Variants in LACTBL1 observed in about 807,000 individuals in gnomAD.
LACTBL1 encodes the protein beta-lactamase-like protein 1.
LACTBL1 carries 29 observed loss-of-function variants against 39.6 expected under a neutral mutation model. That is an observed-to-expected ratio of 0.73 (90% CI 0.55 to 1.00). LACTBL1 has a LOEUF of 1.00. Among genes scored for constraint, LACTBL1 ranks in the 50% least tolerant of loss-of-function variants. The pLI is 0.00. For missense variants in LACTBL1, 711 were observed against 748.5 expected, an observed-to-expected ratio of 0.95 and a Z score of 0.59; for synonymous variants, 361 against 360.7, an observed-to-expected ratio of 1.00 and a Z score of -0.01.
chr1:22,966,374 C>T (rs309513), upstream of LACTBL1, among the ~76,000 whole-genome samples: 3,520 of 152,270 alleles, frequency 0.023, 166 homozygotes, highest in African/African-American at 0.08. Context: ...CCTTGCCTAC[C>T]TCCCTTTCTC....
intron 4 of LACTBL1, among the ~76,000 whole-genome samples, chr1:22,957,827 T>A: frequency 6.6e-6 from 1 of 151,974 alleles, no homozygotes; most frequent in East Asian, 1.9e-4. Flanking sequence ...ATTTTTTGTA[T>A]TTTTAGTAGA....
intron 1 of LACTBL1, 123 bp from the exon 4 acceptor site, chr1:22,963,339 G>A: frequency 2.1e-6 from 1 of 481,600 alleles, no homozygotes; most frequent in East Asian, 3.5e-5. Flanking sequence ...CCGAGCCGGG[G>A]GATATCAGGG....
chr1:22,959,925 G>A lies in LACTBL1; in HGVS notation c.317+17C>T, dbSNP rs1015273118. On this transcript the variant is annotated intron_variant, in intron 3 of 5. Coordinates refer to ENST00000426928, the Ensembl canonical transcript of LACTBL1. ...TCCCTTACCCCTCCACAGGACCCTA[G>A]AGATCACCCAGCTGACCTGTACATG... is the stretch of plus-strand genomic sequence containing the variant. The A allele has an allele frequency of 1.2e-4, 190 of 1,550,944 alleles. No homozygotes were observed. The highest frequency in any genetic ancestry group is 1.6e-4 in the Non-Finnish European group (188 of 1,147,098).
At chr1:22,955,946 C>A (rs561459013) in intron 4 of LACTBL1, among the ~76,000 whole-genome samples, 5 of 151,948 alleles carry the variant, frequency 3.3e-5, no homozygotes, top group African/African-American at 7.2e-5. Context: ...CGCCTGTAAT[C>A]CCAGCTACTC....
rs1013152114 is a variant in LACTBL1 at position 22,953,522 on chromosome 1, C to CCAG, written c.1159_1161dup (p.Leu387dup). The CCAG allele has an allele frequency of 5.7e-6, 7 of 1,235,834 alleles. No homozygotes were observed. The African/African-American group carries it at 1.1e-4, about 19-fold the overall frequency. The allele number at this position is 1,235,834 out of a possible 1,614,324, so 76.6% of individuals were successfully genotyped here. On this transcript the variant is annotated inframe_insertion, in exon 6 of 6. Transcript: ENST00000426928. ...TCGGGCCCGGGCGGCCGTGGCCCTGCCAGCAGCAGCACCAGGCCCAGACGC... is the reference window on the plus strand; with the variant it reads ...TCGGGCCCGGGCGGCCGTGGCCCTGCCAGCAGCAGCAGCACCAGGCCCAGACGC...
chr1:22,953,728 C>T, exon 6 of LACTBL1: 2 of 1,340,070 alleles, frequency 1.5e-6, no homozygotes, highest in Non-Finnish European at 9.5e-7. Flanking sequence ...CCGCAGGAGC[C>T]GCCGGGGCCC....
intron 2 of LACTBL1, among the ~76,000 whole-genome samples, chr1:22,960,714 A>G (rs1369642643): frequency 6.7e-6 from 1 of 149,918 alleles, no homozygotes; most frequent in Non-Finnish European, 1.5e-5. Context: ...CTGAACCCCT[A>G]GTGTTGGGGA....
chr1:22,959,385 C>T (rs754424420), intron 3 of LACTBL1, among the ~76,000 whole-genome samples: 10 of 152,222 alleles, frequency 6.6e-5, no homozygotes, highest in Non-Finnish European at 1.3e-4. Flanking sequence ...ACTGTTGGCC[C>T]CATGCCTGGC....
At chr1:22,957,629 T>C (rs1640774761) in intron 4 of LACTBL1, among the ~76,000 whole-genome samples, 1 of 149,600 alleles carries the variant, frequency 6.7e-6, no homozygotes, top group African/African-American at 2.4e-5. Context: ...CTTTTAATAT[T>C]TCTTAATATT....
chr1:22,958,642 C>T (rs746441334), intron 4 of LACTBL1, 43 bp downstream of exon 6: 124 of 1,457,994 alleles, frequency 8.5e-5, no homozygotes, highest in Admixed American at 5.6e-4. Context: ...AGCTTCCCCA[C>T]CTGAAATGGT....
At chr1:22,963,694 C>T (rs1165416978) in intron 1 of LACTBL1, among the ~76,000 whole-genome samples, 2 of 152,216 alleles carry the variant, frequency 1.3e-5, no homozygotes, top group Middle Eastern at 3.4e-3. Flanking sequence ...TGCCTTTGTC[C>T]GGGTGTGTGG....
At chr1:22,955,832 G>T (rs1640756101) in intron 4 of LACTBL1, among the ~76,000 whole-genome samples, 1 of 152,158 alleles carries the variant, frequency 6.6e-6, no homozygotes, top group Non-Finnish European at 1.5e-5. Context: ...GGAGGCCAAG[G>T]TGGGCGGATT....
chr1:22,954,120 G>A, intron 5 of LACTBL1, 96 bp from the exon 8 acceptor site: 1 of 1,444,912 alleles, frequency 6.9e-7, no homozygotes, highest in Non-Finnish European at 9.1e-7. Flanking sequence ...GCGGGGCTGG[G>A]AAGGAACCTG....
At chr1:22,972,094 G>A in the LACTBL1 span, among the ~76,000 whole-genome samples, 1 of 152,066 alleles carries the variant, frequency 6.6e-6, no homozygotes, top group Non-Finnish European at 1.5e-5. Context: ...GTGAGTTTAT[G>A]TAAAACATTT....
exon 6 of LACTBL1, chr1:22,953,992 A>G: frequency 6.5e-7 from 1 of 1,543,976 alleles, no homozygotes; most frequent in South Asian, 1.2e-5. Flanking sequence ...GACGTGGGCC[A>G]GGAGCGAGAA....
At chr1:22,955,951 C>A (rs1349300269) in intron 4 of LACTBL1, among the ~76,000 whole-genome samples, 1 of 151,568 alleles carries the variant, frequency 6.6e-6, no homozygotes, top group Non-Finnish European at 1.5e-5. Flanking sequence ...GTAATCCCAG[C>A]TACTCAGGAG....
chr1:22,957,414 C>T (rs1260548795), intron 4 of LACTBL1, among the ~76,000 whole-genome samples: 2 of 152,064 alleles, frequency 1.3e-5, no homozygotes, highest in Non-Finnish European at 2.9e-5. Flanking sequence ...GGGGGACATA[C>T]GTTTTAAATT....
the LACTBL1 span, chr1:22,972,859 A>G: frequency 1.0e-6 from 1 of 985,108 alleles, no homozygotes; most frequent in South Asian, 4.7e-5. Context: ...GTTCCAGAGG[A>G]CAGGAATGGC....
At chr1:22,968,466 A>G (rs980682800), upstream of LACTBL1, among the ~76,000 whole-genome samples, 1 of 152,174 alleles carries the variant, frequency 6.6e-6, no homozygotes, top group Non-Finnish European at 1.5e-5. Flanking sequence ...CTTGGTGACT[A>G]ATAATGTTGA....
Sources: gnomAD v4.1 joint callset for allele counts (sites outside exome capture counted in the v4.1 genomes callset) on GRCh38, gnomAD v4.1.1 for gene constraint, MANE v1.5 for transcripts, NCBI Gene and HGNC (gene_info 2026-07-23, HGNC 2026-07-21) for gene names.